MICAL2: variants seen among roughly 807,000 people sequenced by gnomAD.
MICAL2 encodes [F-actin]-monooxygenase MICAL2.
MICAL2 carries 77 observed loss-of-function variants against 127.3 expected under a neutral mutation model. The ratio of observed to expected loss-of-function variants is 0.60; its 90% CI spans 0.50 to 0.73. The LOEUF is 0.73. Ranked by LOEUF, MICAL2 falls within the 30% of genes least tolerant of loss-of-function variation. The pLI, the probability that MICAL2 is intolerant of heterozygous loss-of-function variation, is 0.00. For missense variants in MICAL2, 1,351 were observed against 1,434.4 expected, an observed-to-expected ratio of 0.94 and a Z score of 0.94; for synonymous variants, 570 against 551.1, an observed-to-expected ratio of 1.03 and a Z score of -0.48.
downstream of MICAL2, among the ~76,000 whole-genome samples, chr11:12,291,077 T>A (rs569005404): frequency 6.6e-6 from 1 of 152,000 alleles, no homozygotes; most frequent in East Asian, 1.9e-4. Context: ...AAGCAGGGAG[T>A]TGAACAAGAG....
At chr11:12,333,555 G>A (rs924117335) in intron 32 of MICAL2, among the ~76,000 whole-genome samples, 1 of 152,132 alleles carries the variant, frequency 6.6e-6, no homozygotes, top group African/African-American at 2.4e-5. Flanking sequence ...GGCAGAGAAA[G>A]GCAAGAGGTT....
At chr11:12,154,292 C>T (rs1452938050) in intron 2 of MICAL2, among the ~76,000 whole-genome samples, 1 of 152,082 alleles carries the variant, frequency 6.6e-6, no homozygotes, top group Admixed American at 6.5e-5. Context: ...GCTGTGTAGC[C>T]ACACAAGGGC....
rs545376692 is a variant in MICAL2, at chr11:12,220,270, C to T, written c.1018C>T (p.Arg340Trp). 1.5e-5 allele frequency: 24 copies of T among 1,614,212 alleles called. No individual in the cohort carries two copies. The highest frequency in any genetic ancestry group is 1.6e-4 in the Middle Eastern group (1 of 6,062). The change falls in exon 9 of 28, where the codon CGG becomes TGG. Residue 340 changes from arginine to tryptophan, a missense_variant. Arg to Trp is a moderately radical substitution (Grantham distance 101). Coordinates refer to ENST00000683283, the MANE Select transcript of MICAL2 (RefSeq NM_001282663.2). Reference protein sequence around the residue: ...VNQDNLLSYAREAADFATNYQ... With the variant: ...VNQDNLLSYAWEAADFATNYQ... ...CCAAGACAACCTGCTATCCTATGCCCGGGAAGCTGCAGACTTTGCCACCAA... is the reference window on the plus strand; with the variant it reads ...CCAAGACAACCTGCTATCCTATGCCTGGGAAGCTGCAGACTTTGCCACCAA...
chr11:12,137,977 G>A (rs7940173), intron 1 of MICAL2, among the ~76,000 whole-genome samples: 17 of 152,302 alleles, frequency 1.1e-4, no homozygotes, highest in Middle Eastern at 3.4e-3. Context: ...AATGGGACCC[G>A]TTTCACACTG....
Position 12,223,434 on chromosome 11 carries a change from GGA to G in MICAL2, c.1475_1476del (p.Glu492AlafsTer69). 1 of 1,614,018 alleles carries G rather than the reference GGA, an allele frequency of 6.2e-7. No individual in the cohort carries two copies. The highest frequency in any genetic ancestry group is 1.7e-5 in the Admixed American group (1 of 60,026). On this transcript the variant is annotated frameshift_variant, in exon 12 of 28. Coordinates refer to ENST00000683283, the MANE Select transcript of MICAL2 (RefSeq NM_001282663.2). LOFTEE classifies it high-confidence loss of function. The stretch of plus-strand genomic sequence containing the variant: ...AGGTGAAGCATTTGTATATCACTAA[GGA>G]GCTGGAGCACTACCCTCTCGAGAGA... ...HQVKHLYITK[E>X]LEHYPLERLG...
chr11:12,262,010 C>A, intron 26 of MICAL2: 1 of 1,001,102 alleles, frequency 1.0e-6, no homozygotes, highest in Non-Finnish European at 1.2e-6. Flanking sequence ...GAGTCGGAAT[C>A]TCTGACTGTC....
At chr11:12,287,782 T>C (rs1272627736), downstream of MICAL2, among the ~76,000 whole-genome samples, 2 of 152,148 alleles carry the variant, frequency 1.3e-5, no homozygotes, top group Non-Finnish European at 2.9e-5. Context: ...TCACAGCATC[T>C]AGGCAGGCCG....
At chr11:12,123,231 C>T (rs955563135) in intron 1 of MICAL2, among the ~76,000 whole-genome samples, 1 of 152,112 alleles carries the variant, frequency 6.6e-6, no homozygotes, top group African/African-American at 2.4e-5. Flanking sequence ...TTATATCACT[C>T]TTGCATATAT....
chr11:12,272,627 G>A (rs78577155), upstream of MICAL2, among the ~76,000 whole-genome samples: 7,579 of 152,270 alleles, frequency 0.05, 615 homozygotes, highest in African/African-American at 0.17. Context: ...CCCAGTCTCA[G>A]TGGCATATGG....
At chr11:12,203,455 G>C (rs928838577) in intron 3 of MICAL2, among the ~76,000 whole-genome samples, 1 of 152,194 alleles carries the variant, frequency 6.6e-6, no homozygotes, top group African/African-American at 2.4e-5. Context: ...AGCCGTCCCA[G>C]TGGGTGTGAA....
chr11:12,185,992 G>A (rs1309903918), intron 3 of MICAL2, among the ~76,000 whole-genome samples: 1 of 152,228 alleles, frequency 6.6e-6, no homozygotes, highest in African/African-American at 2.4e-5. Flanking sequence ...TAGAGGGTTG[G>A]CCCAGTAGCT....
chr11:12,166,136 A>C (rs1855487763), intron 3 of MICAL2, among the ~76,000 whole-genome samples: 1 of 152,198 alleles, frequency 6.6e-6, no homozygotes, highest in Non-Finnish European at 1.5e-5. Context: ...TGCTATAATC[A>C]CAAAATTTTG....
At chr11:12,194,133 A>G (rs1859563209) in intron 3 of MICAL2, among the ~76,000 whole-genome samples, 1 of 152,220 alleles carries the variant, frequency 6.6e-6, no homozygotes, top group African/African-American at 2.4e-5. Context: ...GTAGATTGAC[A>G]GCACTGCTTG....
Position 12,168,700 on chromosome 11 carries a change from G to A in MICAL2, c.264+6281G>A, listed in dbSNP as rs556196063. Among the ~76,000 whole-genome samples, 313 of 151,686 alleles carry A rather than the reference G, an allele frequency of 2.1e-3. 1 individual carries two copies. The highest frequency in any genetic ancestry group is 6.9e-3 in the Middle Eastern group (2 of 288). On this transcript the variant is annotated intron_variant, in intron 3 of 27. Coordinates refer to ENST00000683283, the MANE Select transcript of MICAL2 (RefSeq NM_001282663.2). ...AAAGGTTTCTTTGAAAAAAATGCCTGCTCATGATAAAAAATAACTCAAGTA... is the reference window on the plus strand; with the variant it reads ...AAAGGTTTCTTTGAAAAAAATGCCTACTCATGATAAAAAATAACTCAAGTA...
At chr11:12,359,440 T>C (rs760333888), downstream of MICAL2, among the ~76,000 whole-genome samples, 13 of 152,114 alleles carry the variant, frequency 8.5e-5, no homozygotes, top group Non-Finnish European at 1.6e-4. Flanking sequence ...AGAGAAGGAA[T>C]GCTTCTCGCT....
chr11:12,218,772 A>G (rs1856486262), intron 8 of MICAL2, among the ~76,000 whole-genome samples: 1 of 152,174 alleles, frequency 6.6e-6, no homozygotes, highest in Admixed American at 6.5e-5. Flanking sequence ...AGAACAGGGT[A>G]TTTGAAATCA....
intron 32 of MICAL2, among the ~76,000 whole-genome samples, chr11:12,336,513 G>A (rs1004804870): frequency 6.6e-6 from 1 of 152,156 alleles, no homozygotes; most frequent in Non-Finnish European, 1.5e-5. Flanking sequence ...GTGAGAGAGG[G>A]CCTCCCTGTC....
chr11:12,144,369 G>A (rs371572708), intron 2 of MICAL2, among the ~76,000 whole-genome samples: 153 of 152,238 alleles, frequency 1.0e-3, no homozygotes, highest in Middle Eastern at 3.4e-3. Context: ...TCACTAGCGG[G>A]GCCATACCTT....
chr11:12,355,481 G>A (rs1002446145), intron 34 of MICAL2, among the ~76,000 whole-genome samples: 25 of 152,242 alleles, frequency 1.6e-4, no homozygotes, highest in African/African-American at 1.4e-4. Context: ...TATTCACTCC[G>A]TTTTGCACCT....
Sources: gnomAD v4.1 joint callset for allele counts (sites outside exome capture counted in the v4.1 genomes callset) on GRCh38, gnomAD v4.1.1 for gene constraint, MANE v1.5 for transcripts, NCBI Gene and HGNC (gene_info 2026-07-23, HGNC 2026-07-21) for gene names.